Variants in ZNF470 observed in about 807,000 individuals in gnomAD.
ZNF470 encodes the protein zinc finger protein 470.
Under a neutral mutation model 13.9 loss-of-function variants are expected in ZNF470, and 13 were observed. The ratio of observed to expected loss-of-function variants is 0.94; its 90% CI spans 0.61 to 1.49. The LOEUF (loss-of-function observed/expected upper bound fraction) is 1.49, where lower values mean the gene tolerates loss of function less well. Among genes scored for constraint, ZNF470 ranks in the 40% most tolerant of loss-of-function variants. The pLI is 0.00. For synonymous variants in ZNF470, 293 were observed against 282.9 expected (o/e 1.04, Z -0.36); for missense variants, 929 against 857.3 (o/e 1.08, Z -1.04).
chr19:56,568,338 G>C (rs1357647908), intron 1 of ZNF470, among the ~76,000 whole-genome samples: 2 of 152,138 alleles, frequency 1.3e-5, no homozygotes, highest in African/African-American at 4.8e-5. Context: ...TTACTTCTGG[G>C]TACTCTGCTG....
chr19:56,579,492 AG>A lies in ZNF470; in HGVS notation c.*910del, dbSNP rs1204552029. ...CCAGGGTAGGTAGTAGTAAACCAAA[AG>A]TAACAAGCCAAAAAAACTTGAATAG... On this transcript the variant is annotated 3_prime_UTR_variant, in exon 6 of 6. Transcript: ENST00000330619. The A allele has an allele frequency of 2.0e-6, 2 of 985,340 alleles. No individual in the cohort carries two copies. The highest frequency in any genetic ancestry group is 2.3e-4 in the East Asian group (2 of 8,830). The allele number at this position is 985,340 out of a possible 1,614,324, so 61.0% of individuals were successfully genotyped here. A position where few individuals can be genotyped will look rare whatever the true frequency, so the allele number is the denominator to read the frequency against.
rs2044513001 is a variant in ZNF470 at position 56,578,709 on chromosome 19, T to C, written c.*126T>C. ...TAGCATAACTGTTGCCCCTTTTGCT[T>C]CTATCAACTACATGTTTAACACTGT... On this transcript the variant is annotated 3_prime_UTR_variant, in exon 6 of 6. Transcript: ENST00000330619. The C allele has an allele frequency of 7.6e-7, 1 of 1,310,860 alleles. No individual in the cohort carries two copies. The highest frequency in any genetic ancestry group is 2.9e-5 in the South Asian group (1 of 34,114). The allele number at this position is 1,310,860 out of a possible 1,614,324, so 81.2% of individuals were successfully genotyped here.
chr19:56,572,684 AG>A (rs59835356), intron 3 of ZNF470, among the ~76,000 whole-genome samples: 63,776 of 151,036 alleles, frequency 0.42, 14,657 homozygotes, highest in African/African-American at 0.62. Context: ...CTGCAGGAGA[AG>A]CCTTCTAGTT....
rs550820083 is a variant in ZNF470 at position 56,580,016 on chromosome 19, G to T, written c.*1433G>T. ...TAAGGTACAAGATGGACAAAAATAC[G>T]TGCTCTTACAGATCTAGTAGAACAG... On this transcript the variant is annotated 3_prime_UTR_variant, in exon 6 of 6. Transcript: ENST00000330619. 3 of 417,616 alleles carry T rather than the reference G, an allele frequency of 7.2e-6. No individual in the cohort carries two copies. Among genetic ancestry groups the T allele is most frequent in the Non-Finnish European group, 9.6e-6 (3 of 311,562 alleles). 25.9% of individuals were successfully genotyped at this position (417,616 alleles called of 1,614,324 possible). A position where few individuals can be genotyped will look rare whatever the true frequency, so the allele number is the denominator to read the frequency against.
rs2044507361 is a variant in ZNF470 at position 56,578,203 on chromosome 19, C to T, written c.1774C>T (p.Pro592Ser). ...QHQRLHSGKR[P>S]YECLECGKAF... is the part of the protein sequence containing the mutation. Reference sequence around the variant, plus strand: ...TCAGAGACTCCACAGTGGCAAAAGACCGTATGAATGTCTTGAATGTGGGAA... The same window carrying T: ...TCAGAGACTCCACAGTGGCAAAAGATCGTATGAATGTCTTGAATGTGGGAA... The change falls in exon 6 of 6, where the codon CCG (proline) becomes TCG (serine). Residue 592 changes from proline to serine, a missense_variant. Coordinates refer to ENST00000330619, the MANE Select transcript of ZNF470 (RefSeq NM_001001668.4). The T allele has an allele frequency of 6.2e-7, 1 of 1,614,062 alleles. No individual in the cohort carries two copies. Among genetic ancestry groups the T allele is most frequent in the Non-Finnish European group, 8.5e-7 (1 of 1,179,994 alleles).
Position 56,579,538 on chromosome 19 carries a change from T to C in ZNF470, c.*955T>C, listed in dbSNP as rs2044519726. ...GAATAGATTAATAGCCATGAAACAC[T>C]GAAAAGGGTAGTTCAATACTTTGGC... On this transcript the variant is annotated 3_prime_UTR_variant, in exon 6 of 6. Coordinates refer to ENST00000330619, the MANE Select transcript of ZNF470 (RefSeq NM_001001668.4). 2 of 985,356 alleles carry C rather than the reference T, an allele frequency of 2.0e-6. No homozygotes were observed. The highest frequency in any genetic ancestry group is 2.4e-6 in the Non-Finnish European group (2 of 829,908). The allele number at this position is 985,356 out of a possible 1,614,324, so 61.0% of individuals were successfully genotyped here. A position where few individuals can be genotyped will look rare whatever the true frequency, so the allele number is the denominator to read the frequency against.
chr19:56,575,987 G>A lies in ZNF470; in HGVS notation c.284-726G>A, dbSNP rs527933309. On this transcript the variant is annotated intron_variant, in intron 5 of 5. Transcript: ENST00000330619. ...GAATAAATGAATTAGAAACAGTAGC[G>A]CTACTGAAAATAAAGTATTGTACAT... Among the ~76,000 whole-genome samples the A allele has an allele frequency of 2.4e-4, 36 of 152,072 alleles. No individual in the cohort carries two copies. In the South Asian group the frequency reaches 2.9e-3, roughly 12 times the overall value.
intron 2 of ZNF470, among the ~76,000 whole-genome samples, chr19:56,569,946 G>A (rs989061591): frequency 9.2e-5 from 14 of 151,906 alleles, no homozygotes; most frequent in African/African-American, 1.7e-4. Context: ...CTATGATCAC[G>A]TCACTGTACT....
rs1443350255 is a variant in ZNF470, at chr19:56,577,205, T to C, written c.776T>C (p.Ile259Thr). The C allele has an allele frequency of 1.2e-6, 2 of 1,612,338 alleles. No individual in the cohort carries two copies. The highest frequency in any genetic ancestry group is 1.7e-6 in the Non-Finnish European group (2 of 1,179,420). ...IHTGEKPYECIECGKAFSQSA... is the reference protein window; with the variant it reads ...IHTGEKPYECTECGKAFSQSA... Reference sequence around the variant, plus strand: ...ACAGGAGAGAAACCCTATGAATGTATTGAATGTGGAAAGGCCTTTAGCCAG... The same window carrying C: ...ACAGGAGAGAAACCCTATGAATGTACTGAATGTGGAAAGGCCTTTAGCCAG... Residue 259 changes from isoleucine to threonine, a missense_variant, in exon 6 of 6, where the codon ATT becomes ACT. Ile to Thr is a moderately conservative substitution (Grantham distance 89). Transcript: ENST00000330619.
At position 56,578,324 on chromosome 19, in the gene ZNF470, A is replaced by G. The variant is rs199812524; in HGVS notation, c.1895A>G (p.His632Arg). Residue 632 changes from histidine to arginine, a missense_variant, in exon 6 of 6, where the codon CAT becomes CGT. Physicochemically the swap from His to Arg is conservative, Grantham distance 29 (BLOSUM62 0). Transcript: ENST00000330619. ...ECNVCGKAFS[H>R]RKSLTLHQRI... ...AATGTTTGTGGGAAAGCCTTTAGCCATCGTAAATCCCTTACTCTGCATCAG... is the reference window on the plus strand; with the variant it reads ...AATGTTTGTGGGAAAGCCTTTAGCCGTCGTAAATCCCTTACTCTGCATCAG... 1.2e-4 allele frequency: 186 copies of G among 1,613,070 alleles called. No individual in the cohort carries two copies. The Middle Eastern group carries it at 5.1e-3, about 44-fold the overall frequency.
rs1462813816 is a variant in ZNF470 at position 56,581,071 on chromosome 19, AC to A, written c.*2489del. ...ACATTAGGCTTTTATATGGTGGAAA[AC>A]ATCATAGTCAATAGATAAATGAGAG... On this transcript the variant is annotated 3_prime_UTR_variant, in exon 6 of 6. Transcript: ENST00000330619. 1.0e-6 allele frequency: 1 copy of A among 984,682 alleles called. No homozygotes were observed. The highest frequency in any genetic ancestry group is 1.7e-5 in the African/African-American group (1 of 57,228). 61.0% of individuals were successfully genotyped at this position (984,682 alleles called of 1,614,324 possible). A position where few individuals can be genotyped will look rare whatever the true frequency, so the allele number is the denominator to read the frequency against.
At chr19:56,568,504 A>G (rs2044427447) in intron 1 of ZNF470, among the ~76,000 whole-genome samples, 1 of 152,068 alleles carries the variant, frequency 6.6e-6, no homozygotes, top group South Asian at 2.1e-4. Context: ...TCTAGTCAAT[A>G]ACGGAAGATA....
At chr19:56,570,196 C>CA in intron 2 of ZNF470, 84 bp from the exon 3 acceptor site, 1 of 931,484 alleles carries the variant, frequency 1.1e-6, no homozygotes, top group Non-Finnish European at 1.7e-6. Context: ...TGAGTGAGGA[C>CA]AGAAGAAGCT....
Position 56,578,778 on chromosome 19 carries a change from A to G in ZNF470, c.*195A>G, listed in dbSNP as rs1309507472. On this transcript the variant is annotated 3_prime_UTR_variant, in exon 6 of 6. Coordinates refer to ENST00000330619, the MANE Select transcript of ZNF470 (RefSeq NM_001001668.4). ...AAAATAAAAATACATAATTTATGTT[A>G]TTTTCCCATTTAAAACACTTGATTT... The G allele has an allele frequency of 1.6e-6, 2 of 1,240,712 alleles. 1 individual carries two copies. The highest frequency in any genetic ancestry group is 3.1e-5 in the African/African-American group (2 of 64,994). The allele number at this position is 1,240,712 out of a possible 1,614,324, so 76.9% of individuals were successfully genotyped here.
Position 56,579,219 on chromosome 19 carries a change from C to T in ZNF470, c.*636C>T, listed in dbSNP as rs1246140631. 1.6e-5 allele frequency: 14 copies of T among 856,756 alleles called. No individual in the cohort carries two copies. Among genetic ancestry groups the T allele is most frequent in the African/African-American group, 5.5e-5 (3 of 54,388 alleles). 53.1% of individuals were successfully genotyped at this position (856,756 alleles called of 1,614,324 possible). On this transcript the variant is annotated 3_prime_UTR_variant, in exon 6 of 6. Transcript: ENST00000330619. The stretch of plus-strand genomic sequence containing the variant: ...GGCAGATTGCTTGAGCTCAGGAGTT[C>T]GAGACCAACCTGAGCAACATGGTGA...
rs376053913 is a variant in ZNF470 at position 56,574,661 on chromosome 19, G to A, written c.211G>A (p.Val71Met). The A allele has an allele frequency of 2.5e-6, 4 of 1,613,834 alleles. No homozygotes were observed. The highest frequency in any genetic ancestry group is 2.2e-5 in the East Asian group (1 of 44,860). Residue 71 changes from valine to methionine, a missense_variant, in exon 5 of 6, where the codon GTG (valine) becomes ATG (methionine). Coordinates refer to ENST00000330619, the MANE Select transcript of ZNF470 (RefSeq NM_001001668.4). ...SVGLCISKPD[V>M]ISLLEQEKDP... ...AGGTCTTTGCATTTCTAAACCAGAT[G>A]TGATCTCCTTACTGGAGCAAGAGAA...
Position 56,581,434 on chromosome 19 carries a change from A to C in ZNF470, c.*2851A>C. Reference sequence around the variant, plus strand: ...TTGAATTAATATTCCTTGGAAACCAACATATACAAAGGTAGATAAATGTAT... The same window carrying C: ...TTGAATTAATATTCCTTGGAAACCACCATATACAAAGGTAGATAAATGTAT... On this transcript the variant is annotated 3_prime_UTR_variant, in exon 6 of 6. Coordinates refer to ENST00000330619, the MANE Select transcript of ZNF470 (RefSeq NM_001001668.4). 1.0e-6 allele frequency: 1 copy of C among 963,546 alleles called. No homozygotes were observed. Among genetic ancestry groups the C allele is most frequent in the Non-Finnish European group, 1.2e-6 (1 of 809,960 alleles). The allele number at this position is 963,546 out of a possible 1,614,324, so 59.7% of individuals were successfully genotyped here.
chr19:56,574,278 C>T (rs748199601), intron 3 of ZNF470, 116 bp from the exon 4 acceptor site: 1 of 1,458,276 alleles, frequency 6.9e-7, no homozygotes, highest in Admixed American at 1.7e-5. Flanking sequence ...ACCCTTAGTG[C>T]AGTTACTTAT....
chr19:56,567,470 T>A lies in ZNF470; in HGVS notation c.-727T>A. 2 of 985,830 alleles carry A rather than the reference T, an allele frequency of 2.0e-6. No individual in the cohort carries two copies. Among genetic ancestry groups the A allele is most frequent in the Non-Finnish European group, 2.4e-6 (2 of 830,232 alleles). 61.1% of individuals were successfully genotyped at this position (985,830 alleles called of 1,614,324 possible). ...CTATTGCAGCGGAGGACACGCCCACTTCCGGAAAGGACCCAAAGCCGGGCG... is the reference window on the plus strand; with the variant it reads ...CTATTGCAGCGGAGGACACGCCCACATCCGGAAAGGACCCAAAGCCGGGCG... On this transcript the variant is annotated 5_prime_UTR_variant, in exon 1 of 6. Transcript: ENST00000330619.
Sources: allele counts gnomAD v4.1 joint callset (sites outside exome capture counted in the v4.1 genomes callset), GRCh38; gene constraint gnomAD v4.1.1; transcripts MANE v1.5; gene names NCBI Gene and HGNC (gene_info 2026-07-23, HGNC 2026-07-21).